Variants in GRK5 observed in about 807,000 individuals in gnomAD.
GRK5 encodes G protein-coupled receptor kinase 5.
Under a neutral mutation model 78.4 loss-of-function variants are expected in GRK5, and 40 were observed. The observed-to-expected ratio is 0.51, with a 90% CI of 0.40 to 0.66. The LOEUF (loss-of-function observed/expected upper bound fraction) is 0.66, where lower values mean the gene tolerates loss of function less well. GRK5 is among the 30% of genes least tolerant of loss of function. The pLI, the probability that GRK5 is intolerant of heterozygous loss-of-function variation, is 0.00. For synonymous variants in GRK5, 289 were observed against 296.8 expected, an observed-to-expected ratio of 0.97 and a Z score of 0.27; for missense variants, 598 against 759.9, an observed-to-expected ratio of 0.79 and a Z score of 2.50.
intron 1 of GRK5, among the ~76,000 whole-genome samples, chr10:119,294,204 G>A (rs1479415716): frequency 2.0e-5 from 3 of 152,200 alleles, no homozygotes; most frequent in Admixed American, 6.5e-5. Context: ...TCTCTGCTCT[G>A]CCACTCGAGC....
intron 6 of GRK5, among the ~76,000 whole-genome samples, chr10:119,425,290 C>CAA (rs1852656669): frequency 7.3e-6 from 1 of 137,588 alleles, no homozygotes; most frequent in Non-Finnish European, 1.7e-5. Flanking sequence ...CACACACACA[C>CAA]ACACACAAAC....
In GRK5 at chr10:119,230,341, A is replaced by T. The variant is rs533372161; in HGVS notation, c.52+22372A>T. Reference sequence around the variant, plus strand: ...ATATTAGTCCATTTTCACACTACTGATAAAGACATACCTGAGACTGGGTAA... The same window carrying T: ...ATATTAGTCCATTTTCACACTACTGTTAAAGACATACCTGAGACTGGGTAA... On this transcript the variant is annotated intron_variant, in intron 1 of 15. Coordinates refer to ENST00000392870, the MANE Select transcript of GRK5 (RefSeq NM_005308.3). 3.0e-3 allele frequency among the ~76,000 whole-genome samples: 452 copies of T among 152,240 alleles called. 1 individual carries two copies. Among genetic ancestry groups the T allele is most frequent in the Non-Finnish European group, 5.7e-3 (389 of 68,022 alleles).
chr10:119,237,536 A>C (rs1187741058), intron 1 of GRK5, among the ~76,000 whole-genome samples: 2 of 152,216 alleles, frequency 1.3e-5, no homozygotes, highest in African/African-American at 4.8e-5. Context: ...AAATAGGACT[A>C]TGTTGGAATG....
At chr10:119,374,648 A>G (rs575769342) in intron 2 of GRK5, among the ~76,000 whole-genome samples, 1 of 152,334 alleles carries the variant, frequency 6.6e-6, no homozygotes, top group South Asian at 2.1e-4. Flanking sequence ...AGCCAGTTAC[A>G]TTCATTACCA....
Position 119,261,700 on chromosome 10 carries a change from C to G in GRK5, c.52+53731C>G, listed in dbSNP as rs868134218. Among the ~76,000 whole-genome samples the G allele has an allele frequency of 2.8e-4, 43 of 152,372 alleles. No homozygotes were observed. The South Asian group carries it at 8.7e-3, about 31-fold the overall frequency. ...TCACTCGCGGTTAGGAGCTGGAGAC[C>G]AGCCCGGCCAACACAGCGAAACCCC... On this transcript the variant is annotated intron_variant, in intron 1 of 15. Coordinates refer to ENST00000392870, the MANE Select transcript of GRK5 (RefSeq NM_005308.3).
chr10:119,313,349 G>A (rs535764964), intron 1 of GRK5, among the ~76,000 whole-genome samples: 38 of 152,034 alleles, frequency 2.5e-4, no homozygotes, highest in South Asian at 2.1e-3. Flanking sequence ...TGGGGAGGGT[G>A]GTGGTGATGA....
intron 2 of GRK5, 63 bp from the exon 3 acceptor site, chr10:119,380,752 G>T: frequency 9.9e-7 from 1 of 1,009,776 alleles, no homozygotes; most frequent in South Asian, 1.4e-5. Context: ...GTGTGGGAAT[G>T]ACAGGAAGGC....
chr10:119,340,812 G>A (rs59729209), intron 2 of GRK5, among the ~76,000 whole-genome samples: 296 of 152,338 alleles, frequency 1.9e-3, no homozygotes, highest in African/African-American at 6.9e-3. Flanking sequence ...CTTAGCAGAT[G>A]GAGTGGCCAA....
At chr10:119,220,059 G>A (rs1848635122) in intron 1 of GRK5, among the ~76,000 whole-genome samples, 1 of 152,236 alleles carries the variant, frequency 6.6e-6, no homozygotes, top group African/African-American at 2.4e-5. Context: ...CATGGGCAGG[G>A]AGGCTGGATC....
At chr10:119,322,242 C>T (rs1850598010) in intron 1 of GRK5, among the ~76,000 whole-genome samples, 1 of 152,190 alleles carries the variant, frequency 6.6e-6, no homozygotes, top group Non-Finnish European at 1.5e-5. Flanking sequence ...CATGAGCCAC[C>T]ACATCTTGTC....
chr10:119,295,920 C>G (rs1159938200), intron 1 of GRK5, among the ~76,000 whole-genome samples: 1 of 152,018 alleles, frequency 6.6e-6, no homozygotes, highest in Non-Finnish European at 1.5e-5. Context: ...ACCACCTGTA[C>G]CCCAATAACT....
At chr10:119,313,161 A>G (rs1446553894) in intron 1 of GRK5, among the ~76,000 whole-genome samples, 5 of 124,046 alleles carry the variant, frequency 4.0e-5, no homozygotes, top group East Asian at 2.5e-4. Flanking sequence ...GGTGGTGGTA[A>G]TGGTAGTGGT....
chr10:119,225,270 C>T (rs1848717108), intron 1 of GRK5, among the ~76,000 whole-genome samples: 1 of 152,172 alleles, frequency 6.6e-6, no homozygotes, highest in South Asian at 2.1e-4. Flanking sequence ...TCTTAATAAA[C>T]TGTCTTCCTG....
intron 1 of GRK5, among the ~76,000 whole-genome samples, chr10:119,305,269 G>A (rs1850256339): frequency 6.6e-6 from 1 of 152,160 alleles, no homozygotes; most frequent in East Asian, 1.9e-4. Context: ...CAGAACAAGG[G>A]GCCGGCAGAG....
chr10:119,389,866 A>C (rs902302575), intron 3 of GRK5, among the ~76,000 whole-genome samples: 3 of 152,008 alleles, frequency 2.0e-5, no homozygotes, highest in African/African-American at 2.4e-5. Flanking sequence ...GGGCTACAGA[A>C]GTGCTTGTGT....
intron 1 of GRK5, among the ~76,000 whole-genome samples, chr10:119,246,715 T>A (rs17098586): frequency 0.077 from 11,761 of 152,258 alleles, 530 homozygotes; most frequent in Admixed American, 0.14. Flanking sequence ...CGTACAATTA[T>A]GTCACGAATT....
chr10:119,281,154 A>T (rs1849756311), intron 1 of GRK5, among the ~76,000 whole-genome samples: 1 of 151,742 alleles, frequency 6.6e-6, no homozygotes. Flanking sequence ...TGTCCCCAGC[A>T]CAAGGATCTT....
intron 12 of GRK5, 44 bp downstream of exon 12, chr10:119,443,796 C>A: frequency 6.6e-7 from 1 of 1,512,552 alleles, no homozygotes; most frequent in Non-Finnish European, 9.0e-7. Context: ...CTGGTGGCTC[C>A]CCTCCCTGGG....
At chr10:119,330,753 G>A (rs1304684410) in intron 2 of GRK5, among the ~76,000 whole-genome samples, 1 of 152,140 alleles carries the variant, frequency 6.6e-6, no homozygotes, top group African/African-American at 2.4e-5. Context: ...GGGTGTGATG[G>A]CTCATGCCTG....
Sources: gnomAD v4.1 joint callset for allele counts (sites outside exome capture counted in the v4.1 genomes callset) on GRCh38, gnomAD v4.1.1 for gene constraint, MANE v1.5 for transcripts, NCBI Gene and HGNC (gene_info 2026-07-23, HGNC 2026-07-21) for gene names.